The following RFX8 variants were observed in gnomAD, a reference collection of about 807,000 sequenced individuals.
The protein encoded by RFX8 is DNA-binding protein RFX8.
Under a neutral mutation model 54.6 loss-of-function variants are expected in RFX8, and 46 were observed. That is an observed-to-expected ratio of 0.84 (90% CI 0.67 to 1.08). The LOEUF (loss-of-function observed/expected upper bound fraction) is 1.08. Ranked by LOEUF, RFX8 falls within the 50% of genes least tolerant of loss-of-function variation. The probability of loss-of-function intolerance (pLI) is 0.00; values close to 1 mark genes in which losing one functional copy is unlikely to be tolerated. For synonymous variants in RFX8, 192 were observed against 209.5 expected (o/e 0.92, Z 0.72); for missense variants, 536 against 562.3 (o/e 0.95, Z 0.47).
intron 2 of RFX8, among the ~76,000 whole-genome samples, chr2:101,430,214 A>G (rs1687407527): frequency 6.6e-6 from 1 of 152,238 alleles, no homozygotes. Flanking sequence ...GGGTATATGG[A>G]TAAGCCCTGC....
Position 101,414,896 on chromosome 2 carries a change from G to C in RFX8, c.519C>G (p.Val173=). The C allele has an allele frequency of 1.3e-6, 2 of 1,549,780 alleles. No homozygotes were observed. The highest frequency in any genetic ancestry group is 1.7e-6 in the Non-Finnish European group (2 of 1,146,066). Residue 173 remains valine, a synonymous_variant, in exon 7 of 12, where the codon GTC becomes GTG. Coordinates refer to ENST00000428343, the MANE Select transcript of RFX8 (RefSeq NM_001145664.2). ...ISKLKEVTLF[V]KRLRRKTYLS... is the part of the protein sequence containing the mutation. ...GGTACGTCTTTCTTCTTAGTCTTTT[G>C]ACAAATAGAGTAACTTCTGTTAAGA...
chr2:101,441,451 C>G (rs1009975239), intron 2 of RFX8, among the ~76,000 whole-genome samples: 1 of 152,198 alleles, frequency 6.6e-6, no homozygotes, highest in African/African-American at 2.4e-5. Context: ...GCACACTCAG[C>G]CCCCTTGCCA....
intron 2 of RFX8, among the ~76,000 whole-genome samples, chr2:101,435,501 G>T (rs1448971873): frequency 6.6e-6 from 1 of 152,110 alleles, no homozygotes; most frequent in African/African-American, 2.4e-5. Flanking sequence ...GAGAATAAAG[G>T]TTAATTACAA....
At chr2:101,441,482 C>T (rs1483719071) in intron 2 of RFX8, among the ~76,000 whole-genome samples, 4 of 152,192 alleles carry the variant, frequency 2.6e-5, no homozygotes, top group Non-Finnish European at 4.4e-5. Context: ...TGGGCCACCT[C>T]GGGACTCTGT....
rs185464923 is a variant in RFX8 at position 101,427,982 on chromosome 2, C to T, written c.73-5510G>A. ...GAATGTTGTTATCCCCCCCGCCCCCCGCAGGGTCATGTGTTAAAACCCTAA... is the reference window on the plus strand; with the variant it reads ...GAATGTTGTTATCCCCCCCGCCCCCTGCAGGGTCATGTGTTAAAACCCTAA... On this transcript the variant is annotated intron_variant, in intron 2 of 11. Transcript: ENST00000428343. Among the ~76,000 whole-genome samples the T allele has an allele frequency of 1.3e-3, 198 of 152,238 alleles. 1 individual carries two copies. The highest frequency in any genetic ancestry group is 4.5e-3 in the African/African-American group (186 of 41,538).
At chr2:101,452,031 T>G (rs962331753) in intron 2 of RFX8, among the ~76,000 whole-genome samples, 3 of 152,170 alleles carry the variant, frequency 2.0e-5, no homozygotes, top group Non-Finnish European at 4.4e-5. Flanking sequence ...GGCTTCAGGC[T>G]GCAGTGAGCA....
chr2:101,406,631 C>T (rs1483097630), intron 9 of RFX8, among the ~76,000 whole-genome samples: 1 of 152,116 alleles, frequency 6.6e-6, no homozygotes, highest in African/African-American at 2.4e-5. Context: ...CATAAGCCAC[C>T]ATGCCCAGCA....
At chr2:101,451,832 G>T (rs753101958) in intron 2 of RFX8, among the ~76,000 whole-genome samples, 1 of 152,142 alleles carries the variant, frequency 6.6e-6, no homozygotes, top group Admixed American at 6.5e-5. Flanking sequence ...GGTGGCTCAC[G>T]CCCGTAATCC....
chr2:101,418,220 T>A (rs778415514), intron 5 of RFX8, among the ~76,000 whole-genome samples: 12 of 152,178 alleles, frequency 7.9e-5, no homozygotes, highest in Non-Finnish European at 1.8e-4. Context: ...GATAACTGAT[T>A]CAAGTATTTT....
chr2:101,436,710 G>A (rs1033025162), intron 2 of RFX8, among the ~76,000 whole-genome samples: 2 of 152,174 alleles, frequency 1.3e-5, no homozygotes, highest in Admixed American at 6.5e-5. Context: ...GATGGCATTC[G>A]TAAAAGTCGT....
rs140931416 is a variant in RFX8 at position 101,414,902 on chromosome 2, T to C, written c.513A>G (p.Leu171=). 7.6e-4 allele frequency: 1,174 copies of C among 1,549,776 alleles called. 12 individuals are homozygous for C. In the African/African-American group the frequency reaches 0.014, roughly 19 times the overall value. The change falls in exon 7 of 12, where the codon CTA becomes CTG. Residue 171 remains leucine, a synonymous_variant. Transcript: ENST00000428343. ...TCTTTCTTCTTAGTCTTTTGACAAA[T>C]AGAGTAACTTCTGTTAAGAACAACA... ...LQISKLKEVT[L]FVKRLRRKTY...
intron 1 of RFX8, among the ~76,000 whole-genome samples, chr2:101,469,065 T>TATATATATAC (rs1179384468): frequency 4.0e-5 from 1 of 24,844 alleles, no homozygotes; most frequent in African/African-American, 1.4e-4. Context: ...CGTATATATA[T>TATATATATAC]GTATATATAT....
rs573031536 is a variant in RFX8 at position 101,407,120 on chromosome 2, G to C, written c.814-1063C>G. ...TCTCATCCTCAGTCACATGCCTGTG[G>C]ACCCACCACAGCTCCACCACATGTC... On this transcript the variant is annotated intron_variant, in intron 9 of 11. Transcript: ENST00000428343. Among the ~76,000 whole-genome samples, 5 of 152,294 alleles carry C rather than the reference G, an allele frequency of 3.3e-5. No individual in the cohort carries two copies. In the South Asian group the frequency reaches 1.0e-3, roughly 32 times the overall value.
At chr2:101,436,232 T>C (rs1687776309) in intron 2 of RFX8, among the ~76,000 whole-genome samples, 1 of 152,204 alleles carries the variant, frequency 6.6e-6, no homozygotes, top group Non-Finnish European at 1.5e-5. Flanking sequence ...TTATTTTAAT[T>C]AGATTCTATG....
intron 2 of RFX8, among the ~76,000 whole-genome samples, chr2:101,451,339 T>C (rs1688668291): frequency 6.6e-6 from 1 of 151,928 alleles, no homozygotes; most frequent in African/African-American, 2.4e-5. Context: ...AATAATTGAG[T>C]GACAATTATG....
In RFX8 at chr2:101,410,699, TTAAG is replaced by T. The variant is rs774611671; in HGVS notation, c.729_732del (p.Asn243LysfsTer45). 102 of 1,525,922 alleles carry T rather than the reference TTAAG, an allele frequency of 6.7e-5. No homozygotes were observed. Among genetic ancestry groups the T allele is most frequent in the Non-Finnish European group, 1.6e-5 (18 of 1,124,294 alleles). 94.5% of individuals were successfully genotyped at this position (1,525,922 alleles called of 1,614,324 possible). A position where few individuals can be genotyped will look rare whatever the true frequency, so the allele number is the denominator to read the frequency against. The stretch of plus-strand genomic sequence containing the variant: ...TCTGTTGATGTTCCCAGCAAAGAAA[TTAAG>T]TTTCTTAAACCTACAAAGACACAAA... On this transcript the variant is annotated frameshift_variant, in exon 9 of 12. Transcript: ENST00000428343. LOFTEE classifies it high-confidence loss of function.
rs1162575339 is a variant in RFX8 at position 101,464,064 on chromosome 2, C to T, written c.72+2713G>A. Among the ~76,000 whole-genome samples the T allele has an allele frequency of 2.0e-5, 3 of 152,182 alleles. No individual in the cohort carries two copies. The East Asian group carries it at 5.8e-4, about 29-fold the overall frequency. ...AGCTGAGGAAGAACCAGCCACTGGA[C>T]ACCTTCAGACACAGAACAGGAAGAT... On this transcript the variant is annotated intron_variant, in intron 2 of 11. Coordinates refer to ENST00000428343, the MANE Select transcript of RFX8 (RefSeq NM_001145664.2).
chr2:101,447,631 A>G (rs1205146977), intron 2 of RFX8, among the ~76,000 whole-genome samples: 2 of 152,240 alleles, frequency 1.3e-5, no homozygotes, highest in African/African-American at 4.8e-5. Flanking sequence ...TCTTCTAGAT[A>G]TTTTGAAATA....
intron 2 of RFX8, among the ~76,000 whole-genome samples, chr2:101,439,445 G>A (rs1257049191): frequency 6.6e-6 from 1 of 152,134 alleles, no homozygotes; most frequent in East Asian, 1.9e-4. Context: ...TCTGGTCTGA[G>A]ACCTTTTGTG....
Sources: allele counts gnomAD v4.1 joint callset (sites outside exome capture counted in the v4.1 genomes callset), GRCh38; gene constraint gnomAD v4.1.1; transcripts MANE v1.5; gene names NCBI Gene and HGNC (gene_info 2026-07-23, HGNC 2026-07-21).